Variants in NKAIN3 observed in about 807,000 individuals in gnomAD.
NKAIN3 encodes sodium/potassium transporting ATPase interacting 3.
A neutral mutation model predicts 30.2 loss-of-function variants in NKAIN3; 25 were observed. The ratio of observed to expected loss-of-function variants is 0.83; its 90% CI spans 0.60 to 1.16. The LOEUF is 1.16. Ranked by LOEUF, NKAIN3 falls within the 50% of genes most tolerant of loss-of-function variation. The pLI is 0.00. For synonymous variants in NKAIN3, 91 were observed against 89.6 expected, an observed-to-expected ratio of 1.02 and a Z score of -0.09; for missense variants, 225 against 254.1, an observed-to-expected ratio of 0.89 and a Z score of 0.78.
chr8:62,292,274 CATT>C (rs1391845767), intron 1 of NKAIN3, among the ~76,000 whole-genome samples: 1 of 152,134 alleles, frequency 6.6e-6, no homozygotes, highest in African/African-American at 2.4e-5. Context: ...TTGATCCTGT[CATT>C]ATGATGTTAG....
chr8:62,746,347 A>G (rs532157719), intron 3 of NKAIN3, among the ~76,000 whole-genome samples: 50 of 152,300 alleles, frequency 3.3e-4, no homozygotes, highest in Non-Finnish European at 6.2e-4. Flanking sequence ...TCCCCATCTC[A>G]TGATCCTAAT....
chr8:62,348,012 C>T (rs899701402), intron 1 of NKAIN3, among the ~76,000 whole-genome samples: 6 of 129,066 alleles, frequency 4.6e-5, no homozygotes, highest in South Asian at 2.6e-4. Context: ...GACTAACTGT[C>T]GGTATTTTTT....
intron 4 of NKAIN3, among the ~76,000 whole-genome samples, chr8:62,783,941 G>C (rs781192124): frequency 3.3e-5 from 5 of 151,920 alleles, no homozygotes; most frequent in Non-Finnish European, 7.4e-5. Flanking sequence ...CACCGTGTCT[G>C]GCCCAGAATA....
At chr8:62,477,492 C>T (rs1806559201) in intron 1 of NKAIN3, among the ~76,000 whole-genome samples, 1 of 152,176 alleles carries the variant, frequency 6.6e-6, no homozygotes, top group African/African-American at 2.4e-5. Flanking sequence ...TCTCTCCTCC[C>T]TGCCTCAGAG....
At chr8:62,643,584 C>CATTCCCTATATCTGAAGGAACTGTGG (rs1251251699) in intron 3 of NKAIN3, among the ~76,000 whole-genome samples, 1 of 152,114 alleles carries the variant, frequency 6.6e-6, no homozygotes, top group African/African-American at 2.4e-5. Flanking sequence ...CCCCTCTCCA[C>CATTCCCTATATCTGAAGGAACTGTGG]ATTCCCTATA....
intron 1 of NKAIN3, among the ~76,000 whole-genome samples, chr8:62,391,657 G>A (rs1269724016): frequency 6.6e-6 from 1 of 152,016 alleles, no homozygotes; most frequent in Non-Finnish European, 1.5e-5. Context: ...ATAGATTTTA[G>A]TGAAAATAAA....
intron 3 of NKAIN3, among the ~76,000 whole-genome samples, chr8:62,741,643 C>T (rs1815896023): frequency 6.6e-6 from 1 of 152,208 alleles, no homozygotes; most frequent in Non-Finnish European, 1.5e-5. Flanking sequence ...AGCCCCCTTG[C>T]TTTGTTACAT....
intron 3 of NKAIN3, among the ~76,000 whole-genome samples, chr8:62,679,638 G>A (rs1813590841): frequency 6.6e-6 from 1 of 152,184 alleles, no homozygotes; most frequent in African/African-American, 2.4e-5. Context: ...AGGTGAAGGG[G>A]AAGCAGACAC....
chr8:62,761,615 T>C, intron 4 of NKAIN3, among the ~76,000 whole-genome samples: 1 of 152,230 alleles, frequency 6.6e-6, no homozygotes, highest in South Asian at 2.1e-4. Flanking sequence ...TTGCTTTGCC[T>C]TCACAGAGCA....
intron 4 of NKAIN3, among the ~76,000 whole-genome samples, chr8:62,765,373 C>G (rs527397156): frequency 1.3e-5 from 2 of 152,062 alleles, no homozygotes; most frequent in African/African-American, 4.8e-5. Context: ...ATTTCATTCT[C>G]TTATTTCTAG....
intron 4 of NKAIN3, among the ~76,000 whole-genome samples, chr8:62,821,312 CT>C (rs1230511777): frequency 1.3e-5 from 2 of 152,142 alleles, no homozygotes; most frequent in Non-Finnish European, 2.9e-5. Flanking sequence ...TCTGTTTCCT[CT>C]TTCACTATAT....
chr8:62,864,180 C>T, intron 4 of NKAIN3: 2 of 642,914 alleles, frequency 3.1e-6, no homozygotes, highest in Non-Finnish European at 5.4e-6. Flanking sequence ...CTCAACCGAC[C>T]GGGAGGAGGC....
At chr8:62,306,489 G>A (rs904525970) in intron 1 of NKAIN3, among the ~76,000 whole-genome samples, 3 of 149,252 alleles carry the variant, frequency 2.0e-5, no homozygotes, top group Non-Finnish European at 4.4e-5. Flanking sequence ...GACTGTATTC[G>A]TAAATTAAAG....
At chr8:62,363,898 A>T (rs1816642150) in intron 1 of NKAIN3, among the ~76,000 whole-genome samples, 1 of 152,216 alleles carries the variant, frequency 6.6e-6, no homozygotes. Flanking sequence ...CTAAAGTATT[A>T]ATAGAAAGAT....
intron 1 of NKAIN3, among the ~76,000 whole-genome samples, chr8:62,528,084 T>G (rs1001531533): frequency 1.3e-5 from 2 of 151,178 alleles, no homozygotes; most frequent in African/African-American, 4.9e-5. Context: ...ACACTATCCC[T>G]GATTCCCACA....
chr8:62,882,442 C>G (rs188409756), intron 4 of NKAIN3, among the ~76,000 whole-genome samples: 4 of 152,238 alleles, frequency 2.6e-5, no homozygotes, highest in African/African-American at 9.6e-5. Flanking sequence ...CTCAATCCCC[C>G]TAGTAGCTAG....
chr8:62,314,112 A>G (rs1814537328), intron 1 of NKAIN3, among the ~76,000 whole-genome samples: 1 of 152,150 alleles, frequency 6.6e-6, no homozygotes, highest in Non-Finnish European at 1.5e-5. Flanking sequence ...GTTTCTTCCC[A>G]GGCACTCAGA....
intron 4 of NKAIN3, among the ~76,000 whole-genome samples, chr8:62,778,289 C>T (rs192115165): frequency 6.6e-6 from 1 of 152,226 alleles, no homozygotes; most frequent in African/African-American, 2.4e-5. Context: ...CCCTTTAAGG[C>T]AGTGAGTTCC....
At chr8:62,931,105 T>C (rs554556012) in intron 5 of NKAIN3, among the ~76,000 whole-genome samples, 92 of 152,352 alleles carry the variant, frequency 6.0e-4, no homozygotes, top group African/African-American at 2.1e-3. Flanking sequence ...TTAACATGAA[T>C]TCATTGTAAT....
Sources: gnomAD v4.1 joint callset for allele counts (sites outside exome capture counted in the v4.1 genomes callset) on GRCh38, gnomAD v4.1.1 for gene constraint, MANE v1.5 for transcripts, NCBI Gene and HGNC (gene_info 2026-07-23, HGNC 2026-07-21) for gene names.